The following SUGCT variants were observed in gnomAD, a reference collection of about 807,000 sequenced individuals.
SUGCT encodes the protein succinyl-CoA:glutarate CoA-transferase.
Under a neutral mutation model 55.0 loss-of-function variants are expected in SUGCT, and 41 were observed. That is an observed-to-expected ratio of 0.74 (90% CI 0.58 to 0.97). The LOEUF (loss-of-function observed/expected upper bound fraction) is 0.97. SUGCT is among the 50% of genes least tolerant of loss of function. The pLI is 0.00. For synonymous variants in SUGCT, 187 were observed against 200.4 expected, an observed-to-expected ratio of 0.93 and a Z score of 0.56; for missense variants, 568 against 547.8, an observed-to-expected ratio of 1.04 and a Z score of -0.37.
At chr7:40,549,353 A>T (rs1199961649) in intron 12 of SUGCT, among the ~76,000 whole-genome samples, 1 of 152,214 alleles carries the variant, frequency 6.6e-6, no homozygotes, top group Non-Finnish European at 1.5e-5. Flanking sequence ...TTTTGTAATG[A>T]CTAGGAATAA....
chr7:40,297,768 T>C (rs1794256929), intron 8 of SUGCT, among the ~76,000 whole-genome samples: 1 of 152,176 alleles, frequency 6.6e-6, no homozygotes, highest in African/African-American at 2.4e-5. Flanking sequence ...CTCTTGACTC[T>C]AAACTACATC....
intron 7 of SUGCT, among the ~76,000 whole-genome samples, chr7:40,239,852 T>C (rs1789259800): frequency 6.6e-6 from 1 of 152,204 alleles, no homozygotes; most frequent in Non-Finnish European, 1.5e-5. Context: ...ACACTGTATT[T>C]CTTTCACATG....
intron 1 of SUGCT, among the ~76,000 whole-genome samples, chr7:40,162,056 C>T (rs1340002007): frequency 2.0e-5 from 3 of 151,956 alleles, no homozygotes; most frequent in Admixed American, 2.0e-4. Context: ...ACCACTATGC[C>T]CAGCTAATTT....
chr7:40,211,685 G>A (rs1054258690), intron 6 of SUGCT, among the ~76,000 whole-genome samples: 6 of 152,174 alleles, frequency 3.9e-5, no homozygotes, highest in African/African-American at 1.4e-4. Flanking sequence ...TGAAGATGGT[G>A]GAGAGAAAGC....
intron 9 of SUGCT, among the ~76,000 whole-genome samples, chr7:40,370,856 A>T (rs1784263232): frequency 6.6e-6 from 1 of 152,052 alleles, no homozygotes; most frequent in South Asian, 2.1e-4. Flanking sequence ...TATAAGTGCT[A>T]TTTGCTTTAA....
the SUGCT span, among the ~76,000 whole-genome samples, chr7:40,951,294 T>C: frequency 1.3e-5 from 2 of 152,190 alleles, no homozygotes; most frequent in African/African-American, 4.8e-5. Context: ...TTCTGTAGGA[T>C]CGGTGGTGAT....
intron 12 of SUGCT, among the ~76,000 whole-genome samples, chr7:40,604,569 A>G (rs1286635836): frequency 1.3e-5 from 2 of 152,190 alleles, no homozygotes; most frequent in Non-Finnish European, 2.9e-5. Context: ...TGCCTAAGAT[A>G]TTTAAACCAA....
chr7:40,629,425 TAG>T (rs1174727568), intron 12 of SUGCT, among the ~76,000 whole-genome samples: 4 of 152,178 alleles, frequency 2.6e-5, no homozygotes, highest in African/African-American at 9.6e-5. Context: ...GCCTTGAAAG[TAG>T]ACTCTGAGTT....
At chr7:40,321,378 T>C (rs1436159027) in intron 9 of SUGCT, among the ~76,000 whole-genome samples, 2 of 123,484 alleles carry the variant, frequency 1.6e-5, no homozygotes, top group Admixed American at 8.2e-5. Context: ...TGCCCAGCCA[T>C]TTTTGTTTTA....
chr7:40,587,524 G>A (rs1797453298), intron 12 of SUGCT, among the ~76,000 whole-genome samples: 1 of 152,204 alleles, frequency 6.6e-6, no homozygotes, highest in African/African-American at 2.4e-5. Flanking sequence ...TGATGTGTGT[G>A]TGTACCTAAA....
intron 12 of SUGCT, among the ~76,000 whole-genome samples, chr7:40,504,750 G>T (rs1323053769): frequency 1.3e-5 from 2 of 151,972 alleles, no homozygotes; most frequent in African/African-American, 4.8e-5. Context: ...CAGTTGTCTC[G>T]GTACCATTGT....
At chr7:40,836,017 G>A (rs2128783218) in intron 13 of SUGCT, among the ~76,000 whole-genome samples, 1 of 150,666 alleles carries the variant, frequency 6.6e-6, no homozygotes, top group East Asian at 2.0e-4. Flanking sequence ...CTCAGCAGCT[G>A]GAGTAGCTGG....
intron 9 of SUGCT, among the ~76,000 whole-genome samples, chr7:40,442,809 G>C (rs1788589831): frequency 6.6e-6 from 1 of 152,116 alleles, no homozygotes. Context: ...TGCCATGTTT[G>C]TGTGCTGCAC....
chr7:40,920,039 T>C, the SUGCT span, among the ~76,000 whole-genome samples: 1 of 152,088 alleles, frequency 6.6e-6, no homozygotes, highest in Non-Finnish European at 1.5e-5. Context: ...TAACTCAGCC[T>C]GGGAGCACCT....
At chr7:40,391,894 T>G (rs1289931294) in intron 9 of SUGCT, among the ~76,000 whole-genome samples, 1 of 152,130 alleles carries the variant, frequency 6.6e-6, no homozygotes, top group African/African-American at 2.4e-5. Context: ...CAAAGGTCCA[T>G]CAATGATAGA....
intron 7 of SUGCT, among the ~76,000 whole-genome samples, chr7:40,245,838 T>G (rs992343514): frequency 1.2e-4 from 18 of 151,732 alleles, no homozygotes; most frequent in African/African-American, 3.9e-4. Flanking sequence ...ACCTCAAGCA[T>G]TTATCATTTC....
At chr7:40,911,874 T>C in the SUGCT span, among the ~76,000 whole-genome samples, 5 of 152,134 alleles carry the variant, frequency 3.3e-5, no homozygotes, top group Non-Finnish European at 7.3e-5. Flanking sequence ...TATGAACTCA[T>C]GCAGGAGGGA....
rs116484371 is a variant in SUGCT, at chr7:40,568,923, G to A, written c.1089+72537G>A. Among the ~76,000 whole-genome samples, 336 of 152,308 alleles carry A rather than the reference G, an allele frequency of 2.2e-3. 1 individual carries two copies. The highest frequency in any genetic ancestry group is 7.2e-3 in the African/African-American group (298 of 41,560). ...CCTGGCTCTGCTATTTCCTAGCTGT[G>A]TGACCTTGGGGAAGTTCATTGTCCT... On this transcript the variant is annotated intron_variant, in intron 12 of 13. Transcript: ENST00000335693.
At chr7:41,014,263 G>C in the SUGCT span, among the ~76,000 whole-genome samples, 1 of 152,146 alleles carries the variant, frequency 6.6e-6, no homozygotes, top group Non-Finnish European at 1.5e-5. Flanking sequence ...GTGTATGTGT[G>C]GCTGTGTGTG....
Sources: gnomAD v4.1 joint callset for allele counts (sites outside exome capture counted in the v4.1 genomes callset) on GRCh38, gnomAD v4.1.1 for gene constraint, MANE v1.5 for transcripts, NCBI Gene and HGNC (gene_info 2026-07-23, HGNC 2026-07-21) for gene names.